Variants in ELL observed in about 807,000 individuals in gnomAD.
ELL encodes the protein elongation factor for RNA polymerase II, also known as RNA polymerase II elongation factor ELL.
A neutral mutation model predicts 64.0 loss-of-function variants in ELL; 18 were observed. The ratio of observed to expected loss-of-function variants is 0.28; its 90% CI spans 0.19 to 0.42. The LOEUF (loss-of-function observed/expected upper bound fraction) is 0.42. ELL is among the 10% of genes least tolerant of loss of function. The pLI is 1.00. For missense variants in ELL, 797 were observed against 870.4 expected (o/e 0.92, Z 1.06); for synonymous variants, 399 against 376.2 (o/e 1.06, Z -0.70).
intron 1 of ELL, among the ~76,000 whole-genome samples, chr19:18,491,084 G>A (rs567287672): frequency 2.0e-5 from 3 of 152,016 alleles, no homozygotes; most frequent in South Asian, 4.2e-4. Context: ...TCAGTAGACT[G>A]TTTTGTTTTT....
At chr19:18,503,673 G>T (rs1251490959) in intron 1 of ELL, among the ~76,000 whole-genome samples, 1 of 152,178 alleles carries the variant, frequency 6.6e-6, no homozygotes, top group African/African-American at 2.4e-5. Flanking sequence ...TGGTGGGAAG[G>T]GACGGGACCT....
At chr19:18,497,665 A>T (rs964160886) in intron 1 of ELL, among the ~76,000 whole-genome samples, 10 of 151,972 alleles carry the variant, frequency 6.6e-5, no homozygotes, top group Non-Finnish European at 1.0e-4. Flanking sequence ...AATTTTTTTT[A>T]AATTAGCTGG....
Position 18,450,977 on chromosome 19 carries a change from T to C in ELL, c.967-2A>G. On this transcript the variant is annotated splice_acceptor_variant, in intron 7 of 11. Coordinates refer to ENST00000262809, the MANE Select transcript of ELL (RefSeq NM_006532.4). LOFTEE classifies it high-confidence loss of function. Reference sequence around the variant, plus strand: ...GAAATCAGGAGGCTGCAGCCGCTTCTGGAGAGGAGCAGAGATCATTTTAGA... The same window carrying C: ...GAAATCAGGAGGCTGCAGCCGCTTCCGGAGAGGAGCAGAGATCATTTTAGA... 1 of 1,520,526 alleles carries C rather than the reference T, an allele frequency of 6.6e-7. No individual in the cohort carries two copies. Among genetic ancestry groups the C allele is most frequent in the Non-Finnish European group, 8.8e-7 (1 of 1,134,326 alleles). 94.2% of individuals were successfully genotyped at this position (1,520,526 alleles called of 1,614,324 possible).
At chr19:18,508,156 A>G (rs1400634329) in intron 1 of ELL, among the ~76,000 whole-genome samples, 1 of 152,182 alleles carries the variant, frequency 6.6e-6, no homozygotes, top group Non-Finnish European at 1.5e-5. Flanking sequence ...TGAGATCAAA[A>G]TAGGAGTCAC....
chr19:18,443,498 C>A lies in ELL; in HGVS notation c.*1254G>T. 1 of 233,532 alleles carries A rather than the reference C, an allele frequency of 4.3e-6. No individual in the cohort carries two copies. The highest frequency in any genetic ancestry group is 8.5e-6 in the Non-Finnish European group (1 of 118,076). The allele number at this position is 233,532 out of a possible 1,614,324, so 14.5% of individuals were successfully genotyped here. A position where few individuals can be genotyped will look rare whatever the true frequency, so the allele number is the denominator to read the frequency against. ...TGAGTCACAGCCGCCATCCACCCCC[C>A]ACCACCTTTCCAAGTCATGGCTTCA... On this transcript the variant is annotated 3_prime_UTR_variant, in exon 12 of 12. Coordinates refer to ENST00000262809, the MANE Select transcript of ELL (RefSeq NM_006532.4).
chr19:18,483,742 A>G (rs1305509517), intron 1 of ELL, among the ~76,000 whole-genome samples: 4 of 152,110 alleles, frequency 2.6e-5, no homozygotes, highest in Non-Finnish European at 5.9e-5. Context: ...CATTTACTAC[A>G]CAATTCTTCA....
intron 7 of ELL, 85 bp downstream of exon 7, chr19:18,451,467 G>C (rs769855185): frequency 8.4e-7 from 1 of 1,188,624 alleles, no homozygotes; most frequent in Non-Finnish European, 1.1e-6. Context: ...CAAAGAGCTG[G>C]TGAGGAAGGT....
Position 18,443,585 on chromosome 19 carries a change from C to T in ELL, c.*1167G>A, listed in dbSNP as rs991630983. 4 of 233,388 alleles carry T rather than the reference C, an allele frequency of 1.7e-5. No homozygotes were observed. Among genetic ancestry groups the T allele is most frequent in the Non-Finnish European group, 2.5e-5 (3 of 118,094 alleles). 14.5% of individuals were successfully genotyped at this position (233,388 alleles called of 1,614,324 possible). A position where few individuals can be genotyped will look rare whatever the true frequency, so the allele number is the denominator to read the frequency against. On this transcript the variant is annotated 3_prime_UTR_variant, in exon 12 of 12. Coordinates refer to ENST00000262809, the MANE Select transcript of ELL (RefSeq NM_006532.4). Reference sequence around the variant, plus strand: ...CCATGCCCTGGGGGGTCCCCACATACGCACACTCACACACCCACACTTGCG... The same window carrying T: ...CCATGCCCTGGGGGGTCCCCACATATGCACACTCACACACCCACACTTGCG...
chr19:18,460,565 G>A (rs1464698785), intron 5 of ELL, among the ~76,000 whole-genome samples: 1 of 152,216 alleles, frequency 6.6e-6, no homozygotes, highest in African/African-American at 2.4e-5. Flanking sequence ...GCAGGATGGG[G>A]GTGGACGAGG....
At chr19:18,492,156 G>A (rs914507874) in intron 1 of ELL, among the ~76,000 whole-genome samples, 4 of 152,050 alleles carry the variant, frequency 2.6e-5, no homozygotes, top group Admixed American at 6.6e-5. Context: ...GACACTAGGA[G>A]AGGATCCAGG....
intron 1 of ELL, among the ~76,000 whole-genome samples, chr19:18,481,514 G>C (rs542587307): frequency 6.6e-6 from 1 of 151,998 alleles, no homozygotes; most frequent in Admixed American, 6.6e-5. Flanking sequence ...CCTCTCTTAC[G>C]AGGACACTTG....
At chr19:18,447,918 G>A (rs1974450817) in intron 8 of ELL, among the ~76,000 whole-genome samples, 1 of 151,856 alleles carries the variant, frequency 6.6e-6, no homozygotes, top group Admixed American at 6.6e-5. Context: ...CCAAGTAGGT[G>A]AGACTACAGG....
intron 1 of ELL, among the ~76,000 whole-genome samples, chr19:18,492,865 G>A (rs1200825608): frequency 6.6e-6 from 1 of 152,104 alleles, no homozygotes; most frequent in Non-Finnish European, 1.5e-5. Flanking sequence ...TTTCTCTTCT[G>A]GAAAAATGGG....
chr19:18,465,653 C>A, intron 3 of ELL, 78 bp from the exon 4 acceptor site: 1 of 1,479,964 alleles, frequency 6.8e-7, no homozygotes, highest in Non-Finnish European at 9.0e-7. Context: ...AAGCCCCCAG[C>A]CCACCACCTG....
intron 6 of ELL, among the ~76,000 whole-genome samples, chr19:18,453,407 G>T (rs1409269461): frequency 6.6e-6 from 1 of 152,252 alleles, no homozygotes; most frequent in Non-Finnish European, 1.5e-5. Flanking sequence ...AATGCCATGT[G>T]TCATCAGGGA....
At chr19:18,481,259 C>T (rs958657949) in intron 1 of ELL, among the ~76,000 whole-genome samples, 2 of 152,184 alleles carry the variant, frequency 1.3e-5, no homozygotes, top group African/African-American at 4.8e-5. Context: ...GTCCTTGCAA[C>T]AACTGAGCAT....
intron 1 of ELL, among the ~76,000 whole-genome samples, chr19:18,517,128 T>C (rs1029861208): frequency 3.3e-5 from 5 of 152,132 alleles, no homozygotes; most frequent in African/African-American, 1.2e-4. Context: ...AGGCTACTTT[T>C]CCAAGCAGGT....
intron 4 of ELL, among the ~76,000 whole-genome samples, chr19:18,463,390 A>G (rs1974870282): frequency 7.2e-6 from 1 of 139,840 alleles, no homozygotes; most frequent in Non-Finnish European, 1.5e-5. Flanking sequence ...GCTGGAGTGC[A>G]ATGGCACAAT....
rs766299626 is a variant in ELL at position 18,465,922 on chromosome 19, C to T, written c.184-4G>A. On this transcript the variant is annotated splice_region_variant and splice_polypyrimidine_tract_variant and intron_variant, in intron 2 of 11. Coordinates refer to ENST00000262809, the MANE Select transcript of ELL (RefSeq NM_006532.4). ...CAGGCTGGGGGATGGAGATGTGCTG[C>T]GTGGAGGGGGAGGGGGTGTCACTGG... 10 of 1,303,766 alleles carry T rather than the reference C, an allele frequency of 7.7e-6. No individual in the cohort carries two copies. The highest frequency in any genetic ancestry group is 5.7e-5 in the East Asian group (2 of 35,140). 80.8% of individuals were successfully genotyped at this position (1,303,766 alleles called of 1,614,324 possible). A position where few individuals can be genotyped will look rare whatever the true frequency, so the allele number is the denominator to read the frequency against.
Sources: gnomAD v4.1 joint callset for allele counts (sites outside exome capture counted in the v4.1 genomes callset) on GRCh38, gnomAD v4.1.1 for gene constraint, MANE v1.5 for transcripts, NCBI Gene and HGNC (gene_info 2026-07-23, HGNC 2026-07-21) for gene names.